Variants in RNF213 observed in about 807,000 individuals in gnomAD.
The protein encoded by RNF213 is E3 ubiquitin-protein ligase RNF213.
A neutral mutation model predicts 514.4 loss-of-function variants in RNF213; 341 were observed. The observed-to-expected ratio is 0.66, with a 90% CI of 0.61 to 0.73. The LOEUF is 0.73. RNF213 is among the 30% of genes least tolerant of loss of function. The pLI, the probability that RNF213 is intolerant of heterozygous loss-of-function variation, is 0.00. For synonymous variants in RNF213, 2,655 were observed against 2,658.2 expected, an observed-to-expected ratio of 1.00 and a Z score of 0.04; for missense variants, 5,767 against 6,615.6, an observed-to-expected ratio of 0.87 and a Z score of 4.45.
chr17:80,332,622 A>G lies in RNF213; in HGVS notation c.4134A>G (p.Leu1378=), dbSNP rs1457608472. Residue 1378 remains leucine (L), a synonymous_variant, in exon 21 of 68, where the codon TTA becomes TTG. Transcript: ENST00000582970. ...LNGDFSVLNT[L]LNFTDNFDDF... ...GTGACTTCAGTGTTCTCAACACTTT[A>G]CTAAATTTTGTAAGTTATTTGCTGG... The G allele has an allele frequency of 2.0e-6, 3 of 1,490,020 alleles. No homozygotes were observed. Among genetic ancestry groups the G allele is most frequent in the Admixed American group, 4.5e-5 (2 of 44,348 alleles). 92.3% of individuals were successfully genotyped at this position (1,490,020 alleles called of 1,614,324 possible). A position where few individuals can be genotyped will look rare whatever the true frequency, so the allele number is the denominator to read the frequency against.
At chr17:80,385,439 C>A in intron 60 of RNF213, 99 bp from the exon 61 acceptor site, 2 of 1,100,476 alleles carry the variant, frequency 1.8e-6, no homozygotes, top group Non-Finnish European at 2.7e-6. Context: ...CTGCACAAAG[C>A]AGGAAAGATG....
In RNF213 at chr17:80,277,385, G is replaced by A. The variant is rs545852277; in HGVS notation, c.261+3981G>A. 2.0e-5 allele frequency among the ~76,000 whole-genome samples: 3 copies of A among 152,076 alleles called. No individual in the cohort carries two copies. The South Asian group carries it at 6.2e-4, about 32-fold the overall frequency. ...GGCTGAGGCGGGTGGATCACTTGAG[G>A]TCAGGAGTTCAAGACCAACCTGACC... On this transcript the variant is annotated intron_variant, in intron 3 of 67. Coordinates refer to ENST00000582970, the MANE Select transcript of RNF213 (RefSeq NM_001256071.3).
chr17:80,371,452 C>G (rs1185823540), intron 46 of RNF213, among the ~76,000 whole-genome samples: 2 of 152,248 alleles, frequency 1.3e-5, no homozygotes, highest in African/African-American at 2.4e-5. Flanking sequence ...CCAAACCACT[C>G]TTCTCACGGA....
In RNF213 at chr17:80,332,503, C is replaced by G. The variant is rs371224096; in HGVS notation, c.4015C>G (p.Arg1339Gly). Residue 1339 changes from arginine (R) to glycine (G), a missense_variant, in exon 21 of 68, where the codon CGA (arginine) becomes GGA (glycine). This residue lies in a region of RNF213 where 516 missense variants were observed against 566.5 expected (regional missense o/e 0.91). Transcript: ENST00000582970. ...HQDQRDWIKD[R>G]VEQIKEYHHL... ...GGACCAAAGAGATTGGATCAAGGAC[C>G]GAGTCGAACAGATCAAGGAATACCA... 7 of 1,536,942 alleles carry G rather than the reference C, an allele frequency of 4.6e-6. No homozygotes were observed. Among genetic ancestry groups the G allele is most frequent in the African/African-American group, 1.4e-5 (1 of 72,996 alleles).
chr17:80,392,591 C>T lies in RNF213; in HGVS notation c.15471-754C>T, dbSNP rs114749972. Among the ~76,000 whole-genome samples the T allele has an allele frequency of 3.0e-3, 348 of 115,632 alleles. 1 individual carries two copies. Among genetic ancestry groups the T allele is most frequent in the African/African-American group, 0.012 (329 of 27,714 alleles). The allele number at this position is 115,632 out of a possible 152,430, so 75.9% of individuals were successfully genotyped here. A position where few individuals can be genotyped will look rare whatever the true frequency, so the allele number is the denominator to read the frequency against. ...TCAGGTCATTGACCTTAAACTGCTC[C>T]TCAGGATTTCTGGGTTTTTTTTTTT... is the stretch of plus-strand genomic sequence containing the variant. On this transcript the variant is annotated intron_variant, in intron 67 of 67. Coordinates refer to ENST00000582970, the MANE Select transcript of RNF213 (RefSeq NM_001256071.3).
intron 51 of RNF213, 21 bp from the exon 52 acceptor site, chr17:80,376,280 G>A: frequency 1.2e-6 from 2 of 1,613,794 alleles, no homozygotes; most frequent in East Asian, 2.2e-5. Context: ...ACATCTTAAT[G>A]TTAAGTTTTT....
At chr17:80,379,179 C>A (rs1454592232) in intron 54 of RNF213, among the ~76,000 whole-genome samples, 2 of 151,990 alleles carry the variant, frequency 1.3e-5, no homozygotes, top group South Asian at 4.1e-4. Context: ...GAGGACAGAG[C>A]GAGGCTCTGT....
intron 36 of RNF213, among the ~76,000 whole-genome samples, chr17:80,355,692 C>G (rs12603932): frequency 2.5e-4 from 2 of 7,904 alleles, no homozygotes; most frequent in African/African-American, 5.5e-4. Flanking sequence ...AGCGGGGTGA[C>G]CGGGAATGGG....
intron 30 of RNF213, 57 bp downstream of exon 30, chr17:80,349,963 T>C: frequency 6.2e-7 from 1 of 1,606,488 alleles, no homozygotes; most frequent in South Asian, 1.1e-5. Context: ...GCCGTGTGGC[T>C]TCTGCGTGGC....
Position 80,293,242 on chromosome 17 carries a change from T to G in RNF213, c.1471+1415T>G, listed in dbSNP as rs1481945564. Among the ~76,000 whole-genome samples, 6 of 151,738 alleles carry G rather than the reference T, an allele frequency of 4.0e-5. No individual in the cohort carries two copies. The East Asian group carries it at 1.2e-3, about 30-fold the overall frequency. On this transcript the variant is annotated intron_variant, in intron 8 of 67. Coordinates refer to ENST00000582970, the MANE Select transcript of RNF213 (RefSeq NM_001256071.3). ...CTGGCAAATTTTTCATATATTTTTT[T>G]TGGAGAGACTGGTCTTGCTGTGTTG... is the stretch of plus-strand genomic sequence containing the variant.
At position 80,317,751 on chromosome 17, in the gene RNF213, C is replaced by T. The variant is rs183720352; in HGVS notation, c.2901+474C>T. Among the ~76,000 whole-genome samples the T allele has an allele frequency of 1.0e-3, 153 of 152,282 alleles. 1 individual carries two copies. The highest frequency in any genetic ancestry group is 4.3e-3 in the East Asian group (22 of 5,172). ...TGTTACAGTGCTCTCTTAGCTCCGC[C>T]GTCTATGGACAGTAGTGTGTTATCA... On this transcript the variant is annotated intron_variant, in intron 16 of 67. Transcript: ENST00000582970. This position sits in a 1 kb window ranked among gnomAD's most constrained non-coding sequence, Gnocchi z 4.1.
In RNF213 at chr17:80,288,742, A is replaced by G. The variant is rs1434991775; in HGVS notation, c.920A>G (p.Lys307Arg). Reference sequence around the variant, plus strand: ...CCACCAGCAACCACTCCTCCTTTCAAAACACACTGCCAGGTGCGTCTCCTT... The same window carrying G: ...CCACCAGCAACCACTCCTCCTTTCAGAACACACTGCCAGGTGCGTCTCCTT... ...KQPPATTPPF[K>R]THCQEAETKT... Residue 307 changes from lysine (K) to arginine (R), a missense_variant, in exon 5 of 68, where the codon AAA becomes AGA. Around this residue, in one of 13 missense-constraint regions of RNF213, gnomAD observed 509 missense variants for 496.7 expected, o/e 1.02. Transcript: ENST00000582970. The surrounding 1 kb of genome is among the most constrained non-coding windows in gnomAD (Gnocchi z 4.9). 3 of 1,614,066 alleles carry G rather than the reference A, an allele frequency of 1.9e-6. No individual in the cohort carries two copies. The highest frequency in any genetic ancestry group is 2.5e-6 in the Non-Finnish European group (3 of 1,180,042).
intron 54 of RNF213, among the ~76,000 whole-genome samples, chr17:80,378,073 G>C (rs541646621): frequency 6.6e-6 from 1 of 152,302 alleles, no homozygotes; most frequent in East Asian, 1.9e-4. Context: ...CGAGTCCCTG[G>C]ATGCCAGGAG....
intron 44 of RNF213, among the ~76,000 whole-genome samples, chr17:80,368,911 G>C (rs1289642691): frequency 6.6e-6 from 1 of 152,126 alleles, no homozygotes; most frequent in Non-Finnish European, 1.5e-5. Context: ...CCCTTCTCAG[G>C]CCTCCTAAAA....
chr17:80,306,227 C>T (rs532236069), intron 11 of RNF213, 25 bp from the exon 12 acceptor site: 1 of 1,608,090 alleles, frequency 6.2e-7, no homozygotes, highest in Non-Finnish European at 8.5e-7. Flanking sequence ...CGTCTCTTTT[C>T]TCCGTCCCTA....
At position 80,310,957 on chromosome 17, in the gene RNF213, G is replaced by A. The variant is rs537391500; in HGVS notation, c.2655+1786G>A. 4.6e-5 allele frequency among the ~76,000 whole-genome samples: 7 copies of A among 152,316 alleles called. No individual in the cohort carries two copies. In the South Asian group the frequency reaches 1.0e-3, roughly 23 times the overall value. On this transcript the variant is annotated intron_variant, in intron 14 of 67. Transcript: ENST00000582970. ...TTCCTTTCAGTTTTCTTGTGTTAAA[G>A]TACCACAGACACAGTTTAAGAATAA...
At chr17:80,283,753 T>C (rs2044378489) in intron 3 of RNF213, among the ~76,000 whole-genome samples, 1 of 152,128 alleles carries the variant, frequency 6.6e-6, no homozygotes, top group Admixed American at 6.6e-5. Flanking sequence ...CTCAGTGGGC[T>C]CCTCCTGTTC....
At chr17:80,272,306 A>G (rs78693036) in intron 2 of RNF213, among the ~76,000 whole-genome samples, 1 of 151,834 alleles carries the variant, frequency 6.6e-6, no homozygotes, top group Non-Finnish European at 1.5e-5. Flanking sequence ...AAAATAAAAT[A>G]AAAAAAGAAA....
intron 32 of RNF213, chr17:80,352,580 G>A (rs1321628959): frequency 2.4e-5 from 13 of 547,280 alleles, no homozygotes. Context: ...ATTTCGTGGA[G>A]AATGGAAGGC....
Sources: allele counts gnomAD v4.1 joint callset (sites outside exome capture counted in the v4.1 genomes callset), GRCh38; gene constraint gnomAD v4.1.1; regional missense constraint gnomAD v4.1.1; non-coding constraint Gnocchi (gnomAD v3.1); transcripts MANE v1.5; gene names NCBI Gene and HGNC (gene_info 2026-07-23, HGNC 2026-07-21).